The following SLC44A5 variants were observed in gnomAD, a reference collection of about 807,000 sequenced individuals.
SLC44A5 encodes choline transporter-like protein 5.
Under a neutral mutation model 101.8 loss-of-function variants are expected in SLC44A5, and 57 were observed. That is an observed-to-expected ratio of 0.56 (90% CI 0.45 to 0.70). The LOEUF is 0.70. SLC44A5 is among the 30% of genes least tolerant of loss of function. The probability of loss-of-function intolerance (pLI) is 0.00; values close to 1 mark genes in which losing one functional copy is unlikely to be tolerated. For synonymous variants in SLC44A5, 281 were observed against 290.9 expected (o/e 0.97, Z 0.35); for missense variants, 737 against 853.1 (o/e 0.86, Z 1.70).
chr1:75,564,573 C>A (rs1389578043), intron 1 of SLC44A5, among the ~76,000 whole-genome samples: 1 of 87,262 alleles, frequency 1.1e-5, no homozygotes, highest in Admixed American at 1.1e-4. Context: ...CTTCTGCAAC[C>A]CTGATTTATT....
chr1:75,554,469 C>CA (rs35263222), intron 1 of SLC44A5, among the ~76,000 whole-genome samples: 43,448 of 123,268 alleles, frequency 0.35, 8,148 homozygotes, highest in East Asian at 0.73. Flanking sequence ...GTGACTCTGT[C>CA]AAAAAAAAAA....
At chr1:75,273,573 C>T (rs1035116967) in intron 6 of SLC44A5, among the ~76,000 whole-genome samples, 1 of 151,980 alleles carries the variant, frequency 6.6e-6, no homozygotes, top group East Asian at 1.9e-4. Context: ...TTGTTGAGGG[C>T]TCTCATCAGA....
chr1:75,362,543 T>C (rs1238561178), intron 3 of SLC44A5, among the ~76,000 whole-genome samples: 5 of 152,042 alleles, frequency 3.3e-5, no homozygotes. Context: ...TTCTTGACTA[T>C]TGATAATCAA....
chr1:75,717,355 GGAAAA>G, the SLC44A5 span, among the ~76,000 whole-genome samples: 8 of 149,532 alleles, frequency 5.4e-5, no homozygotes, highest in Non-Finnish European at 1.0e-4. Flanking sequence ...AAAAAAAAAA[GGAAAA>G]GAAAAGAAAA....
the SLC44A5 span, among the ~76,000 whole-genome samples, chr1:75,660,523 G>A: frequency 6.6e-6 from 1 of 152,142 alleles, no homozygotes; most frequent in Non-Finnish European, 1.5e-5. Context: ...TGGAAAGAAA[G>A]AAGTCAAATT....
the SLC44A5 span, among the ~76,000 whole-genome samples, chr1:75,673,031 A>G: frequency 2.0e-5 from 3 of 152,158 alleles, no homozygotes; most frequent in African/African-American, 7.2e-5. Flanking sequence ...ATTCCTAGCT[A>G]TGGTGGTTTT....
At chr1:75,592,682 A>G (rs1448746820) in intron 1 of SLC44A5, among the ~76,000 whole-genome samples, 2 of 151,496 alleles carry the variant, frequency 1.3e-5, no homozygotes, top group Non-Finnish European at 3.0e-5. Flanking sequence ...GAACCCAGAA[A>G]GAAATCTACA....
At position 75,203,739 on chromosome 1, in the gene SLC44A5, A is replaced by G. The variant is rs1333301167; in HGVS notation, c.2142T>C (p.Thr714=). The change falls in exon 24 of 24, where the codon ACT becomes ACC. Residue 714 remains threonine, a synonymous_variant. Coordinates refer to ENST00000370859, the MANE Select transcript of SLC44A5 (RefSeq NM_001130058.2). ...CCAGTTTGCTCTTCTACTGCTTCCTAGTTTGTGGATTTTCCTCCTGGAAAA... is the reference window on the plus strand; with the variant it reads ...CCAGTTTGCTCTTCTACTGCTTCCTGGTTTGTGGATTTTCCTCCTGGAAAA... The part of the protein sequence containing the change: ...LKIFQEENPQ[T]RKQ 1.9e-5 allele frequency: 29 copies of G among 1,548,796 alleles called. 1 individual carries two copies. The Admixed American group carries it at 5.7e-4, about 31-fold the overall frequency.
chr1:75,456,380 G>GA (rs1401487943), intron 2 of SLC44A5, among the ~76,000 whole-genome samples: 1 of 152,118 alleles, frequency 6.6e-6, no homozygotes, highest in African/African-American at 2.4e-5. Flanking sequence ...AGTAAGAGTT[G>GA]AAAAACTATT....
At chr1:75,211,659 T>C (rs1319426478) in intron 22 of SLC44A5, 107 bp from the exon 23 acceptor site, 4 of 790,348 alleles carry the variant, frequency 5.1e-6, no homozygotes, top group East Asian at 5.4e-5. Context: ...AAGTACTCTG[T>C]ATGGGAAAAG....
chr1:75,311,652 C>T (rs995906508), intron 4 of SLC44A5: 15 of 726,680 alleles, frequency 2.1e-5, no homozygotes, highest in South Asian at 1.2e-4. Flanking sequence ...TGCTATGAAA[C>T]GTTGGTGAAC....
intron 23 of SLC44A5, among the ~76,000 whole-genome samples, chr1:75,209,902 G>A (rs532054619): frequency 6.6e-6 from 1 of 152,256 alleles, no homozygotes; most frequent in African/African-American, 2.4e-5. Context: ...TAGTTGTGCA[G>A]CTAACAAGTT....
At chr1:75,430,461 C>T (rs781079300) in intron 2 of SLC44A5, among the ~76,000 whole-genome samples, 1 of 152,162 alleles carries the variant, frequency 6.6e-6, no homozygotes, top group African/African-American at 2.4e-5. Flanking sequence ...CAATCATGTA[C>T]AATAGCATTT....
chr1:75,256,386 C>A (rs1237482775), intron 6 of SLC44A5, among the ~76,000 whole-genome samples: 1 of 152,016 alleles, frequency 6.6e-6, no homozygotes, highest in Non-Finnish European at 1.5e-5. Flanking sequence ...TGTGGGTAAA[C>A]AAAACATTAT....
chr1:75,256,838 A>G (rs1421384431), intron 6 of SLC44A5, among the ~76,000 whole-genome samples: 1 of 152,170 alleles, frequency 6.6e-6, no homozygotes, highest in African/African-American at 2.4e-5. Flanking sequence ...AAGTAACCAC[A>G]AGGCAATCCA....
intron 4 of SLC44A5, among the ~76,000 whole-genome samples, chr1:75,306,755 G>A (rs1347870365): frequency 7.1e-4 from 21 of 29,434 alleles, no homozygotes; most frequent in African/African-American, 4.1e-3. Context: ...TTTTTTTTGA[G>A]ACGGAGTCTT....
intron 4 of SLC44A5, among the ~76,000 whole-genome samples, chr1:75,331,376 T>C (rs1200804655): frequency 6.6e-6 from 1 of 152,116 alleles, no homozygotes; most frequent in Non-Finnish European, 1.5e-5. Flanking sequence ...AATCTAACAA[T>C]TACTCTTGAC....
At position 75,578,872 on chromosome 1, in the gene SLC44A5, A is replaced by T. The variant is rs567220667; in HGVS notation, c.-70+32168T>A. ...TTTTCAATGGATATATATATAAAAT[A>T]TGCTGTACACTGAAAATACATACAA... On this transcript the variant is annotated intron_variant, in intron 1 of 23. Transcript: ENST00000370859. 4.3e-4 allele frequency among the ~76,000 whole-genome samples: 66 copies of T among 152,348 alleles called. 1 individual carries two copies. The highest frequency in any genetic ancestry group is 1.5e-3 in the African/African-American group (64 of 41,582).
chr1:75,501,710 A>G (rs1408321000), intron 2 of SLC44A5, among the ~76,000 whole-genome samples: 1 of 152,152 alleles, frequency 6.6e-6, no homozygotes, highest in Non-Finnish European at 1.5e-5. Flanking sequence ...CCCAAAGGAC[A>G]TCTGAAATAG....
Sources: allele counts gnomAD v4.1 joint callset (sites outside exome capture counted in the v4.1 genomes callset), GRCh38; gene constraint gnomAD v4.1.1; transcripts MANE v1.5; gene names NCBI Gene and HGNC (gene_info 2026-07-23, HGNC 2026-07-21).